ARHGEF11: variants seen among roughly 807,000 people sequenced by gnomAD.
ARHGEF11 encodes Rho guanine nucleotide exchange factor 11.
In ARHGEF11, 55 loss-of-function variants were observed where a neutral mutation model predicts 193.7. The ratio of observed to expected loss-of-function variants is 0.28; its 90% confidence interval spans 0.23 to 0.36. The LOEUF (loss-of-function observed/expected upper bound fraction) is 0.36. Among genes scored for constraint, ARHGEF11 ranks in the 10% least tolerant of loss-of-function variants. The pLI, the probability that ARHGEF11 is intolerant of heterozygous loss-of-function variation, is 1.00. For missense variants in ARHGEF11, 1,723 were observed against 2,005.6 expected (o/e 0.86, Z 2.69); for synonymous variants, 693 against 768.0 (o/e 0.90, Z 1.62).
At chr1:156,954,812 A>T in intron 21 of ARHGEF11, 80 bp downstream of exon 21, 1 of 1,220,668 alleles carries the variant, frequency 8.2e-7, no homozygotes, top group Non-Finnish European at 1.2e-6. Context: ...ATGATGAGAA[A>T]GAAACAGAAA....
intron 1 of ARHGEF11, among the ~76,000 whole-genome samples, chr1:157,022,952 G>A (rs1232733484): frequency 2.6e-5 from 4 of 152,152 alleles, no homozygotes; most frequent in African/African-American, 9.7e-5. Flanking sequence ...AAATCCATAA[G>A]CAAAAGTACG....
At chr1:157,016,373 C>A (rs1669233101) in intron 1 of ARHGEF11, among the ~76,000 whole-genome samples, 1 of 152,110 alleles carries the variant, frequency 6.6e-6, no homozygotes, top group African/African-American at 2.4e-5. Flanking sequence ...ACACCTGCCA[C>A]CACACCCAGC....
intron 18 of ARHGEF11, among the ~76,000 whole-genome samples, chr1:156,956,973 G>T (rs570011372): frequency 6.6e-6 from 1 of 152,288 alleles, no homozygotes; most frequent in African/African-American, 2.4e-5. Context: ...CATATGTGCA[G>T]GGGTGGGGAG....
At chr1:157,022,878 A>C (rs1333021030) in intron 1 of ARHGEF11, among the ~76,000 whole-genome samples, 1 of 152,242 alleles carries the variant, frequency 6.6e-6, no homozygotes, top group African/African-American at 2.4e-5. Flanking sequence ...TTTTTAACAA[A>C]GGTGCCAAGA....
intron 5 of ARHGEF11, among the ~76,000 whole-genome samples, chr1:156,978,708 C>T (rs1663627479): frequency 6.6e-6 from 1 of 152,246 alleles, no homozygotes; most frequent in African/African-American, 2.4e-5. Context: ...TCTGAGCATA[C>T]TGCCCACATG....
At position 156,940,244 on chromosome 1, in the gene ARHGEF11, C is replaced by G; in HGVS notation, c.3696G>C (p.Leu1232=). Residue 1232 remains leucine, a synonymous_variant, in exon 36 of 41, where the codon CTG becomes CTC. Coordinates refer to ENST00000368194, the MANE Select transcript of ARHGEF11 (RefSeq NM_198236.3). The stretch of plus-strand genomic sequence containing the variant: ...CGGAGTCAGCGAGCCCTTCCATGAA[C>G]AGAGGGCCTGGGAAGGCCAAGTGGA... ...NPIHLAFPGP[L]FMEGLADSAL... The G allele has an allele frequency of 6.2e-7, 1 of 1,605,664 alleles. No individual in the cohort carries two copies. The highest frequency in any genetic ancestry group is 8.5e-7 in the Non-Finnish European group (1 of 1,174,226).
chr1:157,038,800 G>A (rs1672385165), intron 1 of ARHGEF11, among the ~76,000 whole-genome samples: 1 of 152,136 alleles, frequency 6.6e-6, no homozygotes, highest in Admixed American at 6.5e-5. Context: ...AGGCCGAGGT[G>A]GGCAGATTGC....
chr1:157,042,238 G>T (rs544350507), intron 1 of ARHGEF11, among the ~76,000 whole-genome samples: 71 of 152,238 alleles, frequency 4.7e-4, no homozygotes, highest in Non-Finnish European at 7.6e-4. Context: ...TTAACTATAG[G>T]ACTTACAGGT....
chr1:156,956,673 G>C (rs1442955104), intron 18 of ARHGEF11, 109 bp from the exon 19 acceptor site: 3 of 1,484,218 alleles, frequency 2.0e-6, no homozygotes, highest in South Asian at 1.3e-5. Context: ...AGTTACAGGT[G>C]AAAGTATTCA....
At chr1:157,033,079 G>T (rs1000434484) in intron 1 of ARHGEF11, among the ~76,000 whole-genome samples, 1 of 152,054 alleles carries the variant, frequency 6.6e-6, no homozygotes, top group Non-Finnish European at 1.5e-5. Context: ...AGGTGTTGAT[G>T]ACCTGCTAAT....
intron 1 of ARHGEF11, among the ~76,000 whole-genome samples, chr1:156,995,559 CTTT>C (rs551046629): frequency 8.3e-5 from 12 of 143,766 alleles, no homozygotes; most frequent in Admixed American, 3.5e-4. Flanking sequence ...TTTTCTTCTT[CTTT>C]TTTTTTTTTT....
chr1:156,940,288 T>C lies in ARHGEF11; in HGVS notation c.3652A>G (p.Ile1218Val). The C allele has an allele frequency of 6.2e-7, 1 of 1,613,448 alleles. No homozygotes were observed. Among genetic ancestry groups the C allele is most frequent in the Non-Finnish European group, 8.5e-7 (1 of 1,179,588 alleles). Residue 1218 changes from isoleucine to valine, a missense_variant, in exon 36 of 41, where the codon ATC becomes GTC. By Grantham distance (29) the Ile-to-Val change is conservative. Around this residue, in one of 5 missense-constraint regions of ARHGEF11, gnomAD observed 203 missense variants for 237.3 expected, o/e 0.86. Coordinates refer to ENST00000368194, the MANE Select transcript of ARHGEF11 (RefSeq NM_198236.3). ...STSLDGENRG[I>V]RTRNPIHLAF... ...AAGTGGATGGGGTTCCTTGTCCTGATGCCCCTGTTCTCTCCATCCAGGGAT... is the reference window on the plus strand; with the variant it reads ...AAGTGGATGGGGTTCCTTGTCCTGACGCCCCTGTTCTCTCCATCCAGGGAT...
chr1:156,992,039 T>C (rs1665811919), intron 1 of ARHGEF11, among the ~76,000 whole-genome samples: 1 of 152,222 alleles, frequency 6.6e-6, no homozygotes, highest in Admixed American at 6.5e-5. Flanking sequence ...TTTTTGAATA[T>C]ATCAAACATT....
At chr1:157,019,000 T>C (rs822575) in intron 1 of ARHGEF11, among the ~76,000 whole-genome samples, 98,556 of 152,064 alleles carry the variant, frequency 0.65, 32,132 homozygotes, top group Middle Eastern at 0.85. Context: ...AATCACAGAT[T>C]TAAATGTAAG....
chr1:157,034,228 C>T (rs1340979052), intron 1 of ARHGEF11, among the ~76,000 whole-genome samples: 6 of 152,180 alleles, frequency 3.9e-5, no homozygotes, highest in Middle Eastern at 3.2e-3. Flanking sequence ...CCAGCCACCT[C>T]CCCCCAGAAC....
upstream of ARHGEF11, among the ~76,000 whole-genome samples, chr1:157,046,845 CTACTAAAAATACAA>C (rs1673359400): frequency 1.4e-5 from 2 of 146,428 alleles, no homozygotes; most frequent in Non-Finnish European, 3.0e-5. Context: ...CCCCCCCCCT[CTACTAAAAATACAA>C]AACTAGCCGT....
chr1:156,971,621 G>A (rs747190027), intron 8 of ARHGEF11, 76 bp downstream of exon 8: 69 of 1,540,766 alleles, frequency 4.5e-5, no homozygotes, highest in Non-Finnish European at 5.9e-5. Flanking sequence ...GAAGCCTTCT[G>A]TCCTTGCTTT....
intron 1 of ARHGEF11, among the ~76,000 whole-genome samples, chr1:157,037,554 C>A (rs946880236): frequency 6.6e-6 from 1 of 152,188 alleles, no homozygotes; most frequent in Admixed American, 6.5e-5. Context: ...CTCCTCTAGT[C>A]TGAAATGGCC....
At chr1:156,958,146 A>G (rs866446174) in intron 17 of ARHGEF11, among the ~76,000 whole-genome samples, 1 of 152,186 alleles carries the variant, frequency 6.6e-6, no homozygotes, top group African/African-American at 2.4e-5. Flanking sequence ...GAGAAGCAGT[A>G]GTAGGGCAAA....
Sources: allele counts gnomAD v4.1 joint callset (sites outside exome capture counted in the v4.1 genomes callset), GRCh38; gene constraint gnomAD v4.1.1; regional missense constraint gnomAD v4.1.1; transcripts MANE v1.5; gene names NCBI Gene and HGNC (gene_info 2026-07-23, HGNC 2026-07-21).